Variants in PADI1 observed in about 807,000 individuals in gnomAD.
The protein encoded by PADI1 is protein-arginine deiminase type-1.
A neutral mutation model predicts 74.8 loss-of-function variants in PADI1; 65 were observed. The observed-to-expected ratio is 0.87, with a 90% CI of 0.71 to 1.07. The LOEUF (loss-of-function observed/expected upper bound fraction) is 1.07. Among genes scored for constraint, PADI1 ranks in the 50% least tolerant of loss-of-function variants. The pLI is 0.00. For synonymous variants in PADI1, 371 were observed against 336.2 expected (o/e 1.10, Z -1.13); for missense variants, 943 against 854.0 (o/e 1.10, Z -1.30).
intron 3 of PADI1, 34 bp from the exon 4 acceptor site, chr1:17,224,333 G>A (rs1331747765): frequency 6.3e-7 from 1 of 1,591,624 alleles, no homozygotes; most frequent in Admixed American, 1.7e-5. Context: ...GGGGCTGGAT[G>A]AGCCCCTGGC....
At chr1:17,240,904 C>A in intron 15 of PADI1, 144 bp downstream of exon 15, 4 of 986,586 alleles carry the variant, frequency 4.1e-6, no homozygotes, top group South Asian at 3.5e-5. Flanking sequence ...AGAGAACATT[C>A]CCATCAGTGG....
chr1:17,232,884 C>G lies in PADI1; in HGVS notation c.1227C>G (p.Phe409Leu). 1 of 1,613,568 alleles carries G rather than the reference C, an allele frequency of 6.2e-7. No homozygotes were observed. Among genetic ancestry groups the G allele is most frequent in the Non-Finnish European group, 8.5e-7 (1 of 1,179,918 alleles). ...PLPGPSSLDS[F>L]GNLDVSPPVT... Reference sequence around the variant, plus strand: ...CTGGTCCCTCCAGCCTTGACTCCTTCGGCAACCTGGACGTCAGCCCGCCCG... The same window carrying G: ...CTGGTCCCTCCAGCCTTGACTCCTTGGGCAACCTGGACGTCAGCCCGCCCG... The change falls in exon 11 of 16, where the codon TTC (phenylalanine) becomes TTG (leucine). Residue 409 changes from phenylalanine to leucine, a missense_variant. Phe to Leu is a conservative substitution (Grantham distance 22, BLOSUM62 0). Transcript: ENST00000375471.
intron 8 of PADI1, 151 bp from the exon 9 acceptor site, chr1:17,229,934 C>A (rs1206904190): frequency 1.5e-6 from 1 of 669,464 alleles, no homozygotes; most frequent in Non-Finnish European, 2.5e-6. Flanking sequence ...CTTTATCCAT[C>A]TTCCCCATGC....
chr1:17,220,269 G>A (rs867930475), intron 1 of PADI1, among the ~76,000 whole-genome samples: 6 of 152,088 alleles, frequency 3.9e-5, no homozygotes, highest in South Asian at 2.1e-4. Flanking sequence ...AGTAGGACTC[G>A]TGATTGTTGG....
chr1:17,220,966 G>C (rs1443504606), intron 1 of PADI1, among the ~76,000 whole-genome samples: 1 of 152,226 alleles, frequency 6.6e-6, no homozygotes, highest in Non-Finnish European at 1.5e-5. Flanking sequence ...CTGTGGCTGG[G>C]AGCAGCTGGT....
At chr1:17,222,757 T>C (rs1322611881) in intron 2 of PADI1, among the ~76,000 whole-genome samples, 1 of 152,176 alleles carries the variant, frequency 6.6e-6, no homozygotes, top group African/African-American at 2.4e-5. Flanking sequence ...CATTAATCCC[T>C]GTATTCAGCC....
rs767101043 is a variant in PADI1 at position 17,230,534 on chromosome 1, A to T, written c.1054-38A>T. The T allele has an allele frequency of 1.4e-5, 20 of 1,456,976 alleles. No homozygotes were observed. In the East Asian group the frequency reaches 4.6e-4, roughly 33 times the overall value. The allele number at this position is 1,456,976 out of a possible 1,614,324, so 90.3% of individuals were successfully genotyped here. On this transcript the variant is annotated intron_variant, in intron 9 of 15. Transcript: ENST00000375471. ...CCACCCTGTTCTGTAAACCACCCGA[A>T]AAAGGTCACTGTGGCTTTTTCATCT...
At chr1:17,240,230 G>A (rs770892830) in intron 14 of PADI1, 3 of 241,048 alleles carry the variant, frequency 1.2e-5, no homozygotes, top group Non-Finnish European at 2.5e-5. Context: ...CCCATGCAAG[G>A]CGAAGGGGCT....
At chr1:17,206,395 T>C (rs941613662) in intron 1 of PADI1, among the ~76,000 whole-genome samples, 1 of 152,086 alleles carries the variant, frequency 6.6e-6, no homozygotes, top group Non-Finnish European at 1.5e-5. Context: ...GTGGCAGGGC[T>C]GGGGAGGAAA....
chr1:17,230,257 G>C (rs201324716), intron 9 of PADI1, 49 bp downstream of exon 9: 1 of 1,591,668 alleles, frequency 6.3e-7, no homozygotes, highest in Non-Finnish European at 8.5e-7. Flanking sequence ...CTTGGGGAAA[G>C]GGAAGCCGCA....
At chr1:17,221,108 G>A (rs2100440969) in intron 1 of PADI1, among the ~76,000 whole-genome samples, 2 of 152,354 alleles carry the variant, frequency 1.3e-5, no homozygotes, top group Middle Eastern at 6.8e-3. Flanking sequence ...TGTATTGGGT[G>A]ATGGAAAGAA....
At chr1:17,227,558 TA>T (rs1169803004) in intron 6 of PADI1, among the ~76,000 whole-genome samples, 68 of 151,410 alleles carry the variant, frequency 4.5e-4, no homozygotes, top group African/African-American at 1.5e-3. Context: ...AATAAATAAA[TA>T]AATAAATAAA....
At chr1:17,241,494 G>C in intron 15 of PADI1, among the ~76,000 whole-genome samples, 1 of 150,414 alleles carries the variant, frequency 6.6e-6, no homozygotes, top group Non-Finnish European at 1.5e-5. Flanking sequence ...AATCAGGGTT[G>C]GAAGTGAAAG....
intron 1 of PADI1, among the ~76,000 whole-genome samples, chr1:17,209,280 C>T (rs1172654792): frequency 2.6e-5 from 4 of 152,168 alleles, no homozygotes; most frequent in Non-Finnish European, 4.4e-5. Context: ...TTCTCTGCTC[C>T]GTCCTGTCAC....
At chr1:17,222,572 C>G (rs2072188479) in intron 2 of PADI1, 102 bp downstream of exon 2, 1 of 876,928 alleles carries the variant, frequency 1.1e-6, no homozygotes, top group East Asian at 2.4e-5. Flanking sequence ...CCCCACTTAA[C>G]CAAACCTCAC....
intron 1 of PADI1, among the ~76,000 whole-genome samples, chr1:17,208,941 C>T (rs950362567): frequency 6.6e-6 from 1 of 152,176 alleles, no homozygotes; most frequent in African/African-American, 2.4e-5. Context: ...CCTGCACTTT[C>T]CCCCAAGCCT....
intron 15 of PADI1, among the ~76,000 whole-genome samples, chr1:17,242,939 G>A (rs1339131194): frequency 1.3e-5 from 2 of 152,174 alleles, no homozygotes; most frequent in East Asian, 3.9e-4. Flanking sequence ...GGGCAAAGAG[G>A]TAGTTCAGGG....
At chr1:17,230,301 G>T in intron 9 of PADI1, 93 bp downstream of exon 9, 1 of 1,477,150 alleles carries the variant, frequency 6.8e-7, no homozygotes, top group South Asian at 1.3e-5. Flanking sequence ...CGCTAGAGAA[G>T]CCACGGCAGC....
At chr1:17,214,344 C>T (rs1034090726) in intron 1 of PADI1, among the ~76,000 whole-genome samples, 2 of 152,106 alleles carry the variant, frequency 1.3e-5, no homozygotes, top group South Asian at 2.1e-4. Context: ...CCCTGCCCCC[C>T]GCCCCATGAC....
Sources: allele counts gnomAD v4.1 joint callset (sites outside exome capture counted in the v4.1 genomes callset), GRCh38; gene constraint gnomAD v4.1.1; transcripts MANE v1.5; gene names NCBI Gene and HGNC (gene_info 2026-07-23, HGNC 2026-07-21).